AGBL4: variants seen among roughly 807,000 people sequenced by gnomAD.
AGBL4 encodes the protein AGBL carboxypeptidase 4.
AGBL4 carries 58 observed loss-of-function variants against 66.4 expected under a neutral mutation model. That is an observed-to-expected ratio of 0.87 (90% confidence interval 0.71 to 1.09). AGBL4 has a LOEUF of 1.09. Among genes scored for constraint, AGBL4 ranks in the 50% least tolerant of loss-of-function variants. The probability of loss-of-function intolerance (pLI) is 0.00; values close to 1 mark genes in which losing one functional copy is unlikely to be tolerated. For synonymous variants in AGBL4, 234 were observed against 222.9 expected, an observed-to-expected ratio of 1.05 and a Z score of -0.44; for missense variants, 579 against 631.0, an observed-to-expected ratio of 0.92 and a Z score of 0.88.
chr1:49,674,311 T>C (rs1646538083), intron 3 of AGBL4, among the ~76,000 whole-genome samples: 1 of 151,854 alleles, frequency 6.6e-6, no homozygotes, highest in African/African-American at 2.4e-5. Flanking sequence ...CATTTATTGG[T>C]CATATCCTAT....
chr1:49,243,989 A>G (rs1298266535), intron 4 of AGBL4, among the ~76,000 whole-genome samples: 1 of 151,854 alleles, frequency 6.6e-6, no homozygotes, highest in Non-Finnish European at 1.5e-5. Flanking sequence ...CTAAAGCATC[A>G]TAATCCAAAA....
At chr1:48,530,863 C>A (rs1643900690), downstream of AGBL4, among the ~76,000 whole-genome samples, 1 of 152,210 alleles carries the variant, frequency 6.6e-6, no homozygotes, top group South Asian at 2.1e-4. Context: ...CAGCTCCACC[C>A]ACCTGTGGCT....
At chr1:48,557,079 T>A (rs1644331727) in intron 11 of AGBL4, among the ~76,000 whole-genome samples, 1 of 152,186 alleles carries the variant, frequency 6.6e-6, no homozygotes, top group Non-Finnish European at 1.5e-5. Context: ...TGTTAGCCAC[T>A]GTGCCTGGCC....
intron 2 of AGBL4, among the ~76,000 whole-genome samples, chr1:49,742,788 A>G (rs905484804): frequency 2.0e-5 from 3 of 152,192 alleles, no homozygotes; most frequent in Admixed American, 2.0e-4. Flanking sequence ...CCTGACAAAA[A>G]CAAGAAATGG....
At chr1:48,558,926 A>T (rs1402199923) in intron 11 of AGBL4, among the ~76,000 whole-genome samples, 1 of 152,160 alleles carries the variant, frequency 6.6e-6, no homozygotes, top group Non-Finnish European at 1.5e-5. Context: ...AATTTTACAG[A>T]TGAGGAAGAG....
intron 7 of AGBL4, 56 bp downstream of exon 7, chr1:48,663,096 T>C (rs1570172313): frequency 6.6e-7 from 1 of 1,526,036 alleles, no homozygotes; most frequent in African/African-American, 1.4e-5. Flanking sequence ...CCAGAGATCA[T>C]CACAGTGTCC....
chr1:48,683,270 A>G (rs11205521), intron 6 of AGBL4, among the ~76,000 whole-genome samples: 26,440 of 152,194 alleles, frequency 0.17, 2,854 homozygotes, highest in Non-Finnish European at 0.24. Flanking sequence ...TGCTAAGGCA[A>G]TGTCTGAGGA....
chr1:49,291,968 G>T (rs1382757540), intron 3 of AGBL4, among the ~76,000 whole-genome samples: 1 of 152,250 alleles, frequency 6.6e-6, no homozygotes, highest in Non-Finnish European at 1.5e-5. Context: ...GGGCACAGCT[G>T]CAGCTGCTCA....
intron 6 of AGBL4, among the ~76,000 whole-genome samples, chr1:48,698,697 G>C (rs1182213417): frequency 6.6e-6 from 1 of 152,230 alleles, no homozygotes; most frequent in African/African-American, 2.4e-5. Flanking sequence ...ACTGAGCAGT[G>C]TCTCCTGGCC....
At chr1:49,182,441 C>G (rs1222692711) in intron 4 of AGBL4, among the ~76,000 whole-genome samples, 3 of 152,162 alleles carry the variant, frequency 2.0e-5, no homozygotes, top group Non-Finnish European at 4.4e-5. Context: ...TGAGGTAGGC[C>G]TGCCCTGCCA....
chr1:49,721,282 G>A (rs145814382), intron 2 of AGBL4, among the ~76,000 whole-genome samples: 59 of 152,230 alleles, frequency 3.9e-4, no homozygotes, highest in African/African-American at 9.1e-4. Flanking sequence ...GGTCCCCTTC[G>A]ACACTGTGGA....
intron 3 of AGBL4, among the ~76,000 whole-genome samples, chr1:49,595,019 C>T (rs1451664770): frequency 1.3e-5 from 2 of 152,188 alleles, no homozygotes; most frequent in East Asian, 3.9e-4. Flanking sequence ...TCTCCACATC[C>T]TCACCAGCAA....
intron 6 of AGBL4, among the ~76,000 whole-genome samples, chr1:48,734,493 T>C (rs1648690081): frequency 6.6e-6 from 1 of 152,168 alleles, no homozygotes; most frequent in South Asian, 2.1e-4. Context: ...CCATTGCCCT[T>C]TGACTCCAGC....
intron 3 of AGBL4, among the ~76,000 whole-genome samples, chr1:49,391,559 T>G (rs556815186): frequency 2.2e-3 from 190 of 86,580 alleles, no homozygotes; most frequent in African/African-American, 8.2e-3. Flanking sequence ...AGTTTTTTTT[T>G]TTTGTTTTTT....
intron 11 of AGBL4, among the ~76,000 whole-genome samples, chr1:48,547,337 G>A (rs1465779045): frequency 6.6e-6 from 1 of 152,180 alleles, no homozygotes; most frequent in Non-Finnish European, 1.5e-5. Context: ...TACAGAGGCA[G>A]TAGAGATGGG....
Position 49,831,523 on chromosome 1 carries a change from G to C in AGBL4, c.157+19873C>G, listed in dbSNP as rs149425070. Among the ~76,000 whole-genome samples, 82 of 152,236 alleles carry C rather than the reference G, an allele frequency of 5.4e-4. No homozygotes were observed. In the East Asian group the frequency reaches 0.015, roughly 27 times the overall value. On this transcript the variant is annotated intron_variant, in intron 2 of 13. Coordinates refer to ENST00000371839, the MANE Select transcript of AGBL4 (RefSeq NM_032785.4). ...GGAGATTTGGGGCTGACACAATGGG[G>C]TTTTCTAAATATACAATCATGTCAA...
chr1:48,625,090 C>CTCCTTCCTTCCTTCCTTCCTTCCT (rs66798647), intron 9 of AGBL4, among the ~76,000 whole-genome samples: 82 of 140,384 alleles, frequency 5.8e-4, no homozygotes, highest in African/African-American at 2.1e-3. Flanking sequence ...TTTTTTCTTT[C>CTCCTTCCTTCCTTCCTTCCTTCCT]TCCTTCCTTC....
chr1:49,023,429 C>A (rs1470265548), intron 5 of AGBL4, among the ~76,000 whole-genome samples: 1 of 152,126 alleles, frequency 6.6e-6, no homozygotes, highest in Non-Finnish European at 1.5e-5. Flanking sequence ...CCCTTGCCCT[C>A]AATTTCAATT....
chr1:48,675,845 C>T (rs765323509), intron 6 of AGBL4, among the ~76,000 whole-genome samples: 3 of 152,228 alleles, frequency 2.0e-5, no homozygotes, highest in Non-Finnish European at 4.4e-5. Flanking sequence ...AGATCAGAAA[C>T]ATTTGAGCAG....
Sources: gnomAD v4.1 joint callset for allele counts (sites outside exome capture counted in the v4.1 genomes callset) on GRCh38, gnomAD v4.1.1 for gene constraint, MANE v1.5 for transcripts, NCBI Gene and HGNC (gene_info 2026-07-23, HGNC 2026-07-21) for gene names.